The following TLK2 variants were observed in gnomAD, a reference collection of about 807,000 sequenced individuals.
TLK2 encodes the protein serine/threonine-protein kinase tousled-like 2.
Under a neutral mutation model 117.3 loss-of-function variants are expected in TLK2, and 6 were observed. The ratio of observed to expected loss-of-function variants is 0.05; its 90% CI spans 0.03 to 0.10. TLK2 has a LOEUF of 0.10. TLK2 is among the 10% of genes least tolerant of loss of function. The pLI is 1.00. For missense variants in TLK2, 299 were observed against 901.2 expected (o/e 0.33, Z 8.56); for synonymous variants, 257 against 316.7 (o/e 0.81, Z 2.00).
At chr17:62,521,337 C>T (rs1326848111) in intron 3 of TLK2, among the ~76,000 whole-genome samples, 2 of 152,158 alleles carry the variant, frequency 1.3e-5, no homozygotes, top group African/African-American at 4.8e-5. Flanking sequence ...TAGTTGCCAT[C>T]AGTAAAGGAT....
At chr17:62,584,974 A>C (rs2146879292) in intron 15 of TLK2, among the ~76,000 whole-genome samples, 1 of 152,378 alleles carries the variant, frequency 6.6e-6, no homozygotes, top group South Asian at 2.1e-4. Flanking sequence ...AAACTTTACA[A>C]ACTAAGAAAA....
intron 7 of TLK2, among the ~76,000 whole-genome samples, chr17:62,547,474 C>T (rs1326515011): frequency 2.6e-5 from 4 of 151,836 alleles, no homozygotes; most frequent in East Asian, 1.9e-4. Context: ...TTTTCTCTAA[C>T]GGATCTGAGC....
chr17:62,490,174 T>G (rs1375243312), intron 2 of TLK2, among the ~76,000 whole-genome samples: 1 of 152,266 alleles, frequency 6.6e-6, no homozygotes, highest in East Asian at 1.9e-4. Context: ...ATATTGCTTC[T>G]GTCTTATTCT....
At chr17:62,612,183 GA>G in intron 21 of TLK2, 1 of 490,872 alleles carries the variant, frequency 2.0e-6, no homozygotes, top group South Asian at 3.3e-5. Flanking sequence ...TCTGAGAAGG[GA>G]TCGGTGGCAG....
At chr17:62,560,976 A>G (rs2079223239) in intron 10 of TLK2, among the ~76,000 whole-genome samples, 1 of 151,018 alleles carries the variant, frequency 6.6e-6, no homozygotes, top group African/African-American at 2.4e-5. Flanking sequence ...GTGCCTCCCC[A>G]CTCCCCACAA....
At chr17:62,499,246 C>T (rs898110788) in intron 2 of TLK2, among the ~76,000 whole-genome samples, 35 of 151,896 alleles carry the variant, frequency 2.3e-4, no homozygotes, top group Non-Finnish European at 2.9e-4. Context: ...GAGGCTGAGA[C>T]AGGAGAATCG....
intron 7 of TLK2, chr17:62,552,012 A>C (rs890442800): frequency 1.3e-5 from 5 of 389,932 alleles, no homozygotes; most frequent in African/African-American, 8.3e-5. Flanking sequence ...AAGTTATTAC[A>C]GGAATAACTT....
chr17:62,480,788 G>A (rs1282036008), intron 1 of TLK2, among the ~76,000 whole-genome samples: 1 of 152,130 alleles, frequency 6.6e-6, no homozygotes, highest in Non-Finnish European at 1.5e-5. Flanking sequence ...CTTTTTGCAG[G>A]CTAGTTCTTG....
intron 1 of TLK2, among the ~76,000 whole-genome samples, chr17:62,480,592 T>C (rs2071521266): frequency 6.6e-6 from 1 of 152,252 alleles, no homozygotes; most frequent in Admixed American, 6.5e-5. Context: ...CATGAGCTAC[T>C]GTGAGCTCTT....
intron 6 of TLK2, among the ~76,000 whole-genome samples, chr17:62,525,959 ATCAC>A (rs2076344054): frequency 6.6e-6 from 1 of 152,220 alleles, no homozygotes; most frequent in Non-Finnish European, 1.5e-5. Context: ...GATGTTGTCT[ATCAC>A]TCTTTTCTTC....
At chr17:62,579,638 G>C (rs1050638061) in intron 14 of TLK2, among the ~76,000 whole-genome samples, 1 of 152,148 alleles carries the variant, frequency 6.6e-6, no homozygotes, top group African/African-American at 2.4e-5. Context: ...GTCTTAAAGA[G>C]AGAATAATGA....
intron 2 of TLK2, among the ~76,000 whole-genome samples, chr17:62,502,685 A>G (rs2074307265): frequency 6.6e-6 from 1 of 152,250 alleles, no homozygotes; most frequent in South Asian, 2.1e-4. Flanking sequence ...TAGAATATAA[A>G]TCAATTTGCA....
At chr17:62,529,300 G>A (rs1598401147) in intron 6 of TLK2, among the ~76,000 whole-genome samples, 1 of 152,044 alleles carries the variant, frequency 6.6e-6, no homozygotes, top group African/African-American at 2.4e-5. Context: ...TTCAGTGCAC[G>A]ATCTTGGCTC....
intron 1 of TLK2, among the ~76,000 whole-genome samples, chr17:62,471,702 T>C (rs1334091377): frequency 6.6e-6 from 1 of 151,896 alleles, no homozygotes; most frequent in East Asian, 1.9e-4. Flanking sequence ...CTGTCCTAAC[T>C]TCCCTGTGCT....
chr17:62,564,854 A>G, intron 10 of TLK2, 147 bp from the exon 11 acceptor site: 1 of 942,120 alleles, frequency 1.1e-6, no homozygotes, highest in Non-Finnish European at 1.5e-6. Flanking sequence ...ATAGTTAGTC[A>G]TCCGAGGAGT....
intron 7 of TLK2, among the ~76,000 whole-genome samples, chr17:62,545,178 C>T (rs2077811050): frequency 6.6e-6 from 1 of 152,104 alleles, no homozygotes; most frequent in African/African-American, 2.4e-5. Flanking sequence ...AGGTGCCTGC[C>T]ACTATGCCCA....
chr17:62,497,523 CTT>C (rs2073818169), intron 2 of TLK2, among the ~76,000 whole-genome samples: 1 of 152,108 alleles, frequency 6.6e-6, no homozygotes, highest in South Asian at 2.1e-4. Flanking sequence ...TTTTAAAAGG[CTT>C]TTTCCCCCAT....
intron 12 of TLK2, chr17:62,574,442 A>G: frequency 1.0e-6 from 1 of 962,104 alleles, no homozygotes; most frequent in Non-Finnish European, 1.6e-6. Flanking sequence ...ACTAATAATT[A>G]CATTAAGTAT....
chr17:62,569,891 G>A (rs1357961590), intron 11 of TLK2, among the ~76,000 whole-genome samples: 1 of 152,098 alleles, frequency 6.6e-6, no homozygotes, highest in African/African-American at 2.4e-5. Context: ...CACACTTCAG[G>A]AGTCTGAAAG....
Sources: allele counts gnomAD v4.1 joint callset (sites outside exome capture counted in the v4.1 genomes callset), GRCh38; gene constraint gnomAD v4.1.1; transcripts MANE v1.5; gene names NCBI Gene and HGNC (gene_info 2026-07-23, HGNC 2026-07-21).